Variants in PRKAR1A observed in about 807,000 individuals in gnomAD.
PRKAR1A encodes the protein protein kinase cAMP-dependent type I regulatory subunit alpha.
A neutral mutation model predicts 52.0 loss-of-function variants in PRKAR1A; 3 were observed. The observed-to-expected ratio is 0.06, with a 90% CI of 0.03 to 0.15. The LOEUF (loss-of-function observed/expected upper bound fraction) is 0.15. Ranked by LOEUF, PRKAR1A falls within the 10% of genes least tolerant of loss-of-function variation. The probability of loss-of-function intolerance (pLI) is 1.00; values close to 1 mark genes in which losing one functional copy is unlikely to be tolerated. For missense variants in PRKAR1A, 240 were observed against 477.4 expected, an observed-to-expected ratio of 0.50 and a Z score of 4.63; for synonymous variants, 188 against 168.4, an observed-to-expected ratio of 1.12 and a Z score of -0.90.
At chr17:68,538,023 G>A (rs1232240324), downstream of PRKAR1A, among the ~76,000 whole-genome samples, 1 of 152,142 alleles carries the variant, frequency 6.6e-6, no homozygotes, top group Non-Finnish European at 1.5e-5. Flanking sequence ...CTCTGACAAC[G>A]CTAAGGGAAT....
At chr17:68,516,227 A>G (rs1437680497) in intron 2 of PRKAR1A, among the ~76,000 whole-genome samples, 1 of 152,162 alleles carries the variant, frequency 6.6e-6, no homozygotes, top group East Asian at 1.9e-4. Context: ...ATTGTGACCT[A>G]CGTATATGGC....
the PRKAR1A span, chr17:68,428,785 G>C: frequency 4.7e-6 from 7 of 1,480,374 alleles, no homozygotes; most frequent in Admixed American, 1.2e-4. Flanking sequence ...AACTCTACAC[G>C]ACCAGCTCTC....
At chr17:68,539,838 A>C (rs1336245018) in intron 11 of PRKAR1A, 2 of 1,579,844 alleles carry the variant, frequency 1.3e-6, no homozygotes, top group African/African-American at 2.7e-5. Flanking sequence ...TGCACAGAGC[A>C]GCACATCTGG....
At chr17:68,545,406 C>T (rs2086502037) in intron 11 of PRKAR1A, among the ~76,000 whole-genome samples, 1 of 152,180 alleles carries the variant, frequency 6.6e-6, no homozygotes, top group Non-Finnish European at 1.5e-5. Flanking sequence ...GTTCCCCACC[C>T]AAGGCATATA....
At chr17:68,442,858 G>A in the PRKAR1A span, among the ~76,000 whole-genome samples, 2 of 152,176 alleles carry the variant, frequency 1.3e-5, no homozygotes, top group Non-Finnish European at 2.9e-5. Context: ...AAGGGAACTC[G>A]TGACAACTAG....
At chr17:68,521,058 C>G (rs994071243) in intron 2 of PRKAR1A, among the ~76,000 whole-genome samples, 3 of 152,214 alleles carry the variant, frequency 2.0e-5, no homozygotes, top group African/African-American at 7.2e-5. Flanking sequence ...TCTCCTGCCT[C>G]TGCCTCCTGA....
At chr17:68,488,557 A>G in the PRKAR1A span, among the ~76,000 whole-genome samples, 1 of 151,790 alleles carries the variant, frequency 6.6e-6, no homozygotes, top group Admixed American at 6.6e-5. Context: ...GCAAAACCCC[A>G]TCTCTACTAA....
chr17:68,548,687 A>C (rs2086681137), intron 11 of PRKAR1A, among the ~76,000 whole-genome samples: 2 of 151,852 alleles, frequency 1.3e-5, no homozygotes, highest in South Asian at 4.2e-4. Flanking sequence ...GCAAAGTACA[A>C]TAAAGTGAAA....
the PRKAR1A span, chr17:68,429,991 C>A: frequency 6.2e-7 from 1 of 1,613,968 alleles, no homozygotes; most frequent in East Asian, 2.2e-5. Context: ...TGTCATTGTA[C>A]GTACGTTGAG....
chr17:68,509,749 C>T (rs2085238441), upstream of PRKAR1A, among the ~76,000 whole-genome samples: 1 of 152,222 alleles, frequency 6.6e-6, no homozygotes, highest in Non-Finnish European at 1.5e-5. Flanking sequence ...AGCTGTCTCA[C>T]TGAACTTTCC....
At chr17:68,433,198 A>G in the PRKAR1A span, among the ~76,000 whole-genome samples, 1 of 152,272 alleles carries the variant, frequency 6.6e-6, no homozygotes, top group Non-Finnish European at 1.5e-5. Context: ...GAGGAAACTG[A>G]AGGACACAGA....
chr17:68,420,305 G>A, the PRKAR1A span: 3 of 1,614,122 alleles, frequency 1.9e-6, no homozygotes, highest in Non-Finnish European at 2.5e-6. Context: ...AGGTGGTGCG[G>A]AGTACCAGGC....
At chr17:68,492,177 G>A in the PRKAR1A span, among the ~76,000 whole-genome samples, 2 of 152,212 alleles carry the variant, frequency 1.3e-5, no homozygotes, top group East Asian at 1.9e-4. Flanking sequence ...TCCTGAGGCC[G>A]ATGGTTCATT....
chr17:68,550,434 G>A (rs1265298260), intron 11 of PRKAR1A, among the ~76,000 whole-genome samples: 1 of 141,056 alleles, frequency 7.1e-6, no homozygotes, highest in South Asian at 2.3e-4. Context: ...AGGCTGGAGT[G>A]CAGTGGTGCG....
the PRKAR1A span, chr17:68,435,565 C>A: frequency 3.9e-6 from 6 of 1,550,830 alleles, no homozygotes; most frequent in Non-Finnish European, 5.3e-6. Flanking sequence ...TCCCTGCGCA[C>A]GGCAGGAGCC....
the PRKAR1A span, chr17:68,493,526 A>G: frequency 6.6e-6 from 1 of 151,998 alleles, no homozygotes; most frequent in Non-Finnish European, 1.5e-5. Context: ...CGCTGTAGCA[A>G]TCGCTTCCCA....
At chr17:68,502,753 A>AG in the PRKAR1A span, among the ~76,000 whole-genome samples, 2 of 121,986 alleles carry the variant, frequency 1.6e-5, no homozygotes, top group African/African-American at 6.4e-5. Context: ...ACTTCATCTC[A>AG]GGAAAAAAAA....
At chr17:68,475,464 TATTC>T in the PRKAR1A span, among the ~76,000 whole-genome samples, 1 of 152,330 alleles carries the variant, frequency 6.6e-6, no homozygotes, top group East Asian at 1.9e-4. Context: ...ATTTTGTTTT[TATTC>T]ATTATTATTT....
downstream of PRKAR1A, chr17:68,535,306 A>G (rs1268678627): frequency 4.4e-6 from 2 of 454,028 alleles, no homozygotes; most frequent in South Asian, 3.1e-5. Context: ...ACCACATATC[A>G]TGGTGAAATT....
Sources: allele counts gnomAD v4.1 joint callset (sites outside exome capture counted in the v4.1 genomes callset), GRCh38; gene constraint gnomAD v4.1.1; transcripts MANE v1.5; gene names NCBI Gene and HGNC (gene_info 2026-07-23, HGNC 2026-07-21).